HS3ST1: variants seen among roughly 807,000 people sequenced by gnomAD.
The protein encoded by HS3ST1 is heparan sulfate-glucosamine 3-sulfotransferase 1.
HS3ST1 carries 8 observed loss-of-function variants against 20.7 expected under a neutral mutation model. The ratio of observed to expected loss-of-function variants is 0.39; its 90% CI spans 0.23 to 0.70. The LOEUF is 0.70. HS3ST1 is among the 30% of genes least tolerant of loss of function. The pLI, the probability that HS3ST1 is intolerant of heterozygous loss-of-function variation, is 0.46. For missense variants in HS3ST1, 436 were observed against 423.4 expected (o/e 1.03, Z -0.26); for synonymous variants, 205 against 190.4 (o/e 1.08, Z -0.63).
rs982797390 is a variant in HS3ST1 at position 11,407,234 on chromosome 4, G to C, written c.-108-7121C>G. On this transcript the variant is annotated intron_variant, in intron 1 of 1. Coordinates refer to ENST00000002596, the MANE Select transcript of HS3ST1 (RefSeq NM_005114.4). ...TAGGGTAGAAAGGACCGTAAGTCAG[G>C]CCACATAATGTTAATAAGCTTCCTT... Among the ~76,000 whole-genome samples, 6 of 152,266 alleles carry C rather than the reference G, an allele frequency of 3.9e-5. No individual in the cohort carries two copies. The South Asian group carries it at 1.0e-3, about 26-fold the overall frequency.
At chr4:11,421,352 C>G (rs1307037146) in intron 1 of HS3ST1, among the ~76,000 whole-genome samples, 1 of 152,196 alleles carries the variant, frequency 6.6e-6, no homozygotes, top group Non-Finnish European at 1.5e-5. Flanking sequence ...ACACCCTCCC[C>G]CTCCTTCCTA....
upstream of HS3ST1, among the ~76,000 whole-genome samples, chr4:11,430,471 A>G (rs1248801975): frequency 6.6e-6 from 1 of 152,218 alleles, no homozygotes; most frequent in Non-Finnish European, 1.5e-5. Flanking sequence ...AAGTTCTGCC[A>G]ATTACTGGTG....
At chr4:11,428,240 A>G (rs1446443318) in intron 1 of HS3ST1, among the ~76,000 whole-genome samples, 2 of 152,116 alleles carry the variant, frequency 1.3e-5, no homozygotes, top group African/African-American at 2.4e-5. Flanking sequence ...TCCACCCCCA[A>G]AGGCTCCCTC....
Position 11,398,656 on chromosome 4 carries a change from G to A in HS3ST1, c.*426C>T, listed in dbSNP as rs1718210695. The A allele has an allele frequency of 6.5e-6, 1 of 153,436 alleles. No homozygotes were observed. The highest frequency in any genetic ancestry group is 1.4e-5 in the Non-Finnish European group (1 of 69,024). 9.5% of individuals were successfully genotyped at this position (153,436 alleles called of 1,614,324 possible). On this transcript the variant is annotated 3_prime_UTR_variant, in exon 2 of 2. Coordinates refer to ENST00000002596, the MANE Select transcript of HS3ST1 (RefSeq NM_005114.4). ...AAAAAGAGCAATGCAGAAAGGAGAG[G>A]GGAGAGAGAGGATTGTAATAGCCAT... is the stretch of plus-strand genomic sequence containing the variant.
rs776091605 is a variant in HS3ST1, at chr4:11,399,484, G to A, written c.522C>T (p.Ile174=). ...HMQKHKPYPS[I]EEFLVRDGRL... ...TGCCATCGCGCACCAGGAACTCCTC[G>A]ATGGACGGGTAGGGCTTGTGCTTCT... The change falls in exon 2 of 2, where the codon ATC becomes ATT. Residue 174 remains isoleucine, a synonymous_variant. Coordinates refer to ENST00000002596, the MANE Select transcript of HS3ST1 (RefSeq NM_005114.4). The surrounding 1 kb of genome is among the most constrained non-coding windows in gnomAD (Gnocchi z 5.1). 1 of 1,614,054 alleles carries A rather than the reference G, an allele frequency of 6.2e-7. No homozygotes were observed.
intron 1 of HS3ST1, among the ~76,000 whole-genome samples, chr4:11,411,494 C>G (rs6811800): frequency 0.26 from 39,009 of 152,066 alleles, 5,209 homozygotes; most frequent in East Asian, 0.42. Context: ...GCCTCTAACT[C>G]AAGCTTTACT....
rs1718178258 is a variant in HS3ST1 at position 11,397,683 on chromosome 4, A to G, written c.*1399T>C. ...CCTCCTCTTTGAAATTTCCATAATA[A>G]TATCTGCATCCTGGGGTTGCTTGGA... is the stretch of plus-strand genomic sequence containing the variant. On this transcript the variant is annotated 3_prime_UTR_variant, in exon 2 of 2. Transcript: ENST00000002596. 6.6e-6 allele frequency: 1 copy of G among 152,084 alleles called. No individual in the cohort carries two copies. The allele number at this position is 152,084 out of a possible 1,614,324, so 9.4% of individuals were successfully genotyped here.
At chr4:11,413,781 G>A (rs1718696832) in intron 1 of HS3ST1, among the ~76,000 whole-genome samples, 6 of 151,960 alleles carry the variant, frequency 3.9e-5, no homozygotes, top group Admixed American at 6.6e-5. Flanking sequence ...CATCGATAAT[G>A]GACTGAGAGA....
rs1358025347 is a variant in HS3ST1, at chr4:11,398,169, A to G, written c.*913T>C. ...CTCAGTGCATATGGAATATATGTCT[A>G]TAATGCCAATGTGTCTTTCAGGAAG... On this transcript the variant is annotated 3_prime_UTR_variant, in exon 2 of 2. Transcript: ENST00000002596. 6.6e-6 allele frequency: 1 copy of G among 152,268 alleles called. No homozygotes were observed. The highest frequency in any genetic ancestry group is 2.1e-4 in the South Asian group (1 of 4,836). The allele number at this position is 152,268 out of a possible 1,614,324, so 9.4% of individuals were successfully genotyped here.
At chr4:11,409,501 T>C (rs909414543) in intron 1 of HS3ST1, among the ~76,000 whole-genome samples, 2 of 152,190 alleles carry the variant, frequency 1.3e-5, no homozygotes, top group East Asian at 1.9e-4. Context: ...GAGCTCACTC[T>C]GTCTCTCTCT....
At chr4:11,418,421 A>G (rs921300757) in intron 1 of HS3ST1, among the ~76,000 whole-genome samples, 3 of 152,236 alleles carry the variant, frequency 2.0e-5, no homozygotes, top group Non-Finnish European at 2.9e-5. Context: ...CCATAAGGAA[A>G]TATAATTCTG....
intron 1 of HS3ST1, among the ~76,000 whole-genome samples, chr4:11,411,802 G>A (rs1172112429): frequency 6.6e-6 from 1 of 152,138 alleles, no homozygotes; most frequent in African/African-American, 2.4e-5. Context: ...AGAAGTTCAG[G>A]AATCATCAAG....
rs993356688 is a variant in HS3ST1 at position 11,393,377 on chromosome 4, G to A, written c.*5705C>T. The stretch of plus-strand genomic sequence containing the variant: ...GAATTTAACACTTTGCTATTTGCTA[G>A]CCAATAAAATAGACTCATTCTCTGC... On this transcript the variant is annotated 3_prime_UTR_variant, in exon 2 of 2. Coordinates refer to ENST00000002596, the MANE Select transcript of HS3ST1 (RefSeq NM_005114.4). 1 of 152,180 alleles carries A rather than the reference G, an allele frequency of 6.6e-6. No homozygotes were observed. Among genetic ancestry groups the A allele is most frequent in the Non-Finnish European group, 1.5e-5 (1 of 68,040 alleles). 9.4% of individuals were successfully genotyped at this position (152,180 alleles called of 1,614,324 possible).
chr4:11,410,559 A>G (rs894123333), intron 1 of HS3ST1, among the ~76,000 whole-genome samples: 1 of 152,204 alleles, frequency 6.6e-6, no homozygotes, highest in African/African-American at 2.4e-5. Context: ...CAGGACCCAC[A>G]GCTTGAGAGG....
chr4:11,423,514 C>T (rs746192107), intron 1 of HS3ST1, among the ~76,000 whole-genome samples: 6 of 152,184 alleles, frequency 3.9e-5, no homozygotes, highest in Non-Finnish European at 5.9e-5. Flanking sequence ...TAATCCTTAG[C>T]ACATCACTAT....
At chr4:11,402,109 T>G (rs1184769195) in intron 1 of HS3ST1, among the ~76,000 whole-genome samples, 1 of 152,240 alleles carries the variant, frequency 6.6e-6, no homozygotes, top group East Asian at 1.9e-4. Flanking sequence ...TTCATTAGTT[T>G]AAAACTTGTC....
chr4:11,412,998 T>A (rs1025656670), intron 1 of HS3ST1, among the ~76,000 whole-genome samples: 1 of 152,064 alleles, frequency 6.6e-6, no homozygotes, highest in Non-Finnish European at 1.5e-5. Context: ...TTCTGCCATG[T>A]GGGGTACAAG....
At position 11,399,587 on chromosome 4, in the gene HS3ST1, A is replaced by T. The variant is rs1271888418; in HGVS notation, c.419T>A (p.Ile140Asn). 4 of 1,613,862 alleles carry T rather than the reference A, an allele frequency of 2.5e-6. No homozygotes were observed. The highest frequency in any genetic ancestry group is 2.5e-6 in the Non-Finnish European group (3 of 1,180,040). The change falls in exon 2 of 2, where the codon ATC (isoleucine) becomes AAC (asparagine). Residue 140 changes from isoleucine (I) to asparagine (N), a missense_variant. Ile to Asn is a moderately radical substitution (Grantham distance 149). Coordinates refer to ENST00000002596, the MANE Select transcript of HS3ST1 (RefSeq NM_005114.4). This position sits in a 1 kb window ranked among gnomAD's most constrained non-coding sequence, Gnocchi z 5.1. ...PERVYSMNPSIRLLLILRDPS... is the reference protein window; with the variant it reads ...PERVYSMNPSNRLLLILRDPS... The stretch of plus-strand genomic sequence containing the variant: ...GTCTCGCAGGATGAGCAGCAGCCGG[A>T]TGGACGGGTTCATGCTGTAGACTCG...
chr4:11,432,176 A>G (rs1371585915), upstream of HS3ST1, among the ~76,000 whole-genome samples: 1 of 151,970 alleles, frequency 6.6e-6, no homozygotes, highest in Non-Finnish European at 1.5e-5. Flanking sequence ...GAGAGAGAGA[A>G]AAAGAGAGAA....
Sources: allele counts gnomAD v4.1 joint callset (sites outside exome capture counted in the v4.1 genomes callset), GRCh38; gene constraint gnomAD v4.1.1; non-coding constraint Gnocchi (gnomAD v3.1); transcripts MANE v1.5; gene names NCBI Gene and HGNC (gene_info 2026-07-23, HGNC 2026-07-21).